The following AMBRA1 variants were observed in gnomAD, a reference collection of about 807,000 sequenced individuals.
AMBRA1 encodes the protein activating molecule in BECN1-regulated autophagy protein 1.
A neutral mutation model predicts 125.4 loss-of-function variants in AMBRA1; 47 were observed. The observed-to-expected ratio is 0.37, with a 90% CI of 0.30 to 0.48. The LOEUF is 0.48. Among genes scored for constraint, AMBRA1 ranks in the 20% least tolerant of loss-of-function variants. The pLI is 0.99. For synonymous variants in AMBRA1, 626 were observed against 655.5 expected, an observed-to-expected ratio of 0.95 and a Z score of 0.69; for missense variants, 1,331 against 1,693.4, an observed-to-expected ratio of 0.79 and a Z score of 3.76.
intron 7 of AMBRA1, among the ~76,000 whole-genome samples, chr11:46,530,350 G>A (rs1349148153): frequency 2.0e-5 from 3 of 152,176 alleles, no homozygotes; most frequent in Admixed American, 6.5e-5. Context: ...AGCCTAGTAG[G>A]TGCTAGCATG....
At chr11:46,467,163 C>T (rs1262934633) in intron 11 of AMBRA1, among the ~76,000 whole-genome samples, 1 of 152,060 alleles carries the variant, frequency 6.6e-6, no homozygotes, top group Non-Finnish European at 1.5e-5. Flanking sequence ...GGGATCTGCC[C>T]ACCTCAGCCT....
At chr11:46,592,486 C>A (rs183086239) in intron 1 of AMBRA1, among the ~76,000 whole-genome samples, 3 of 152,072 alleles carry the variant, frequency 2.0e-5, no homozygotes, top group Admixed American at 6.6e-5. Flanking sequence ...ACTGGGCGGG[C>A]GCGGTGGATG....
At chr11:46,454,217 C>T (rs1018468196) in intron 11 of AMBRA1, among the ~76,000 whole-genome samples, 2 of 151,556 alleles carry the variant, frequency 1.3e-5, no homozygotes, top group East Asian at 2.0e-4. Context: ...TTTTTAGAGA[C>T]GGGGTCTTGC....
chr11:46,528,838 A>T (rs899700000), intron 7 of AMBRA1, among the ~76,000 whole-genome samples: 1 of 152,218 alleles, frequency 6.6e-6, no homozygotes, highest in African/African-American at 2.4e-5. Context: ...GATAAACGCC[A>T]CCTTGCTGAG....
intron 11 of AMBRA1, among the ~76,000 whole-genome samples, chr11:46,465,757 C>T (rs901411678): frequency 1.3e-5 from 2 of 152,210 alleles, no homozygotes; most frequent in Admixed American, 6.5e-5. Context: ...AATAGTGATG[C>T]TCATGATAAA....
intron 13 of AMBRA1, among the ~76,000 whole-genome samples, chr11:46,434,115 CAAAAAAAA>C (rs145761376): frequency 1.9e-5 from 1 of 53,556 alleles, no homozygotes; most frequent in Non-Finnish European, 3.7e-5. Flanking sequence ...AACTCCGTCT[CAAAAAAAA>C]AAAAAAAAAA....
intron 11 of AMBRA1, among the ~76,000 whole-genome samples, chr11:46,449,499 A>G (rs1421621332): frequency 6.6e-6 from 1 of 152,252 alleles, no homozygotes; most frequent in East Asian, 1.9e-4. Flanking sequence ...GAGGAAAGCT[A>G]CAAAACTGAT....
At chr11:46,556,499 T>C (rs1353392873) in intron 1 of AMBRA1, among the ~76,000 whole-genome samples, 1 of 152,210 alleles carries the variant, frequency 6.6e-6, no homozygotes, top group Admixed American at 6.5e-5. Flanking sequence ...TATGGCAAAG[T>C]GCTAACTGGT....
At chr11:46,458,239 A>G (rs1338714221) in intron 11 of AMBRA1, among the ~76,000 whole-genome samples, 1 of 152,336 alleles carries the variant, frequency 6.6e-6, no homozygotes, top group South Asian at 2.1e-4. Flanking sequence ...TGGAAAAGCA[A>G]TATTAGCAAG....
At chr11:46,412,324 C>T (rs900767573) in intron 15 of AMBRA1, among the ~76,000 whole-genome samples, 1 of 152,222 alleles carries the variant, frequency 6.6e-6, no homozygotes, top group African/African-American at 2.4e-5. Flanking sequence ...CACTCTGTTG[C>T]CCAGTCTGAA....
At chr11:46,578,649 C>T (rs1410018722) in intron 1 of AMBRA1, among the ~76,000 whole-genome samples, 4 of 150,512 alleles carry the variant, frequency 2.7e-5, no homozygotes, top group South Asian at 2.1e-4. Flanking sequence ...TTTGGGAGGC[C>T]GAGGTGGGCG....
chr11:46,426,608 C>T (rs1229956284), intron 14 of AMBRA1, among the ~76,000 whole-genome samples: 1 of 151,890 alleles, frequency 6.6e-6, no homozygotes, highest in African/African-American at 2.4e-5. Context: ...TTTATCTTGC[C>T]CCCCTCCCTT....
At chr11:46,521,139 C>T (rs1052659838) in intron 7 of AMBRA1, among the ~76,000 whole-genome samples, 5 of 152,196 alleles carry the variant, frequency 3.3e-5, no homozygotes, top group African/African-American at 1.2e-4. Flanking sequence ...CCCTCACTGG[C>T]GACAAGACTC....
At chr11:46,568,200 G>A (rs559040503) in intron 1 of AMBRA1, among the ~76,000 whole-genome samples, 2 of 151,928 alleles carry the variant, frequency 1.3e-5, no homozygotes, top group Non-Finnish European at 2.9e-5. Flanking sequence ...GCACACACCT[G>A]TAATCCCAGC....
chr11:46,589,912 G>A (rs764224419), intron 1 of AMBRA1, among the ~76,000 whole-genome samples: 8 of 151,540 alleles, frequency 5.3e-5, no homozygotes, highest in Non-Finnish European at 1.0e-4. Flanking sequence ...GTGAGCCACC[G>A]CGCCCGGTCT....
chr11:46,484,966 TCA>T (rs1950213977), intron 11 of AMBRA1, among the ~76,000 whole-genome samples: 1 of 148,392 alleles, frequency 6.7e-6, no homozygotes, highest in African/African-American at 2.5e-5. Context: ...AGACAAAATC[TCA>T]CTCTTGTCCC....
Position 46,567,697 on chromosome 11 carries a change from G to A in AMBRA1, c.-120-19197C>T, listed in dbSNP as rs573298035. On this transcript the variant is annotated intron_variant, in intron 1 of 17. Transcript: ENST00000683756. Reference sequence around the variant, plus strand: ...CTTTTCAGACTTTTGCACTTCTGATGACAAGATGACCCCACCCCAACCAGC... The same window carrying A: ...CTTTTCAGACTTTTGCACTTCTGATAACAAGATGACCCCACCCCAACCAGC... Among the ~76,000 whole-genome samples the A allele has an allele frequency of 2.9e-3, 433 of 151,874 alleles. 2 individuals carry two copies. Among genetic ancestry groups the A allele is most frequent in the African/African-American group, 9.9e-3 (409 of 41,450 alleles).
intron 1 of AMBRA1, among the ~76,000 whole-genome samples, chr11:46,549,367 T>A (rs1439583461): frequency 6.6e-6 from 1 of 152,238 alleles, no homozygotes; most frequent in Non-Finnish European, 1.5e-5. Context: ...GTTGAAAGAA[T>A]GGTACAATAA....
chr11:46,462,759 CTT>C (rs536203549), intron 11 of AMBRA1, among the ~76,000 whole-genome samples: 1 of 148,088 alleles, frequency 6.8e-6, no homozygotes, highest in Non-Finnish European at 1.5e-5. Flanking sequence ...CACCCCCCTC[CTT>C]TTTTTTTTGA....
Sources: allele counts gnomAD v4.1 joint callset (sites outside exome capture counted in the v4.1 genomes callset), GRCh38; gene constraint gnomAD v4.1.1; transcripts MANE v1.5; gene names NCBI Gene and HGNC (gene_info 2026-07-23, HGNC 2026-07-21).